UBR4: variants seen among roughly 807,000 people sequenced by gnomAD.
The protein encoded by UBR4 is E3 ubiquitin-protein ligase UBR4.
A neutral mutation model predicts 575.6 loss-of-function variants in UBR4; 124 were observed. The observed-to-expected ratio is 0.22, with a 90% CI of 0.19 to 0.25. The LOEUF (loss-of-function observed/expected upper bound fraction) is 0.25, where lower values mean the gene tolerates loss of function less well. Ranked by LOEUF, UBR4 falls within the 10% of genes least tolerant of loss-of-function variation. The pLI, the probability that UBR4 is intolerant of heterozygous loss-of-function variation, is 1.00. For synonymous variants in UBR4, 2,455 were observed against 2,473.7 expected (o/e 0.99, Z 0.22); for missense variants, 4,818 against 6,478.8 (o/e 0.74, Z 8.80).
In UBR4 at chr1:19,115,612, T is replaced by TC. The variant is rs750669713; in HGVS notation, c.10848dup (p.Lys3617GlufsTer14). 1 of 1,614,186 alleles carries TC rather than the reference T, an allele frequency of 6.2e-7. No homozygotes were observed. The highest frequency in any genetic ancestry group is 1.1e-5 in the South Asian group (1 of 91,086). ...GTCTGTCCAGGGGTCAGCTGAACCT[T>TC]CTTGGCTTTGTGCCAGCGAGCTGGC... On this transcript the variant is annotated frameshift_variant, in exon 74 of 106. Coordinates refer to ENST00000375254, the MANE Select transcript of UBR4 (RefSeq NM_020765.3). LOFTEE classifies it high-confidence loss of function.
intron 103 of UBR4, chr1:19,080,470 A>C (rs2076376711): frequency 6.6e-6 from 1 of 152,260 alleles, no homozygotes; most frequent in African/African-American, 2.4e-5. Flanking sequence ...TCACGGCCCT[A>C]AAAGTTTCTC....
chr1:19,201,686 T>A (rs1389412489), intron 2 of UBR4, 32 bp downstream of exon 2: 2 of 1,584,754 alleles, frequency 1.3e-6, no homozygotes, highest in South Asian at 2.2e-5. Context: ...TCACAAGCCC[T>A]CAGAAGGGAA....
rs928698894 is a variant in UBR4, at chr1:19,088,111, C to T, written c.14431-182G>A. Among the ~76,000 whole-genome samples the T allele has an allele frequency of 6.6e-6, 1 of 152,232 alleles. No homozygotes were observed. The highest frequency in any genetic ancestry group is 6.5e-5 in the Admixed American group (1 of 15,292). On this transcript the variant is annotated intron_variant, in intron 98 of 105. Transcript: ENST00000375254. The surrounding 1 kb of genome is among the most constrained non-coding windows in gnomAD (Gnocchi z 4.0). ...GACCCAGGCCCTTCTGCTATTCTCT[C>T]TTCCTACAGGAACCACTGAAGCAAA...
In UBR4 at chr1:19,172,907, G is replaced by A. The variant is rs768521513; in HGVS notation, c.3478C>T (p.Pro1160Ser). 6.2e-7 allele frequency: 1 copy of A among 1,614,194 alleles called. No homozygotes were observed. The highest frequency in any genetic ancestry group is 1.1e-5 in the South Asian group (1 of 91,084). The stretch of plus-strand genomic sequence containing the variant: ...GTGTCAATGAGTTGCAGCGTGGCTG[G>A]AAGTAGGTTCTTGGTAATCTCAGAC... ...KSSEITKNLL[P>S]ATLQLIDTYA... The change falls in exon 25 of 106, where the codon CCA becomes TCA. Residue 1160 changes from proline (P) to serine (S), a missense_variant. By Grantham distance (74) the Pro-to-Ser change is moderately conservative (BLOSUM62 -1). This residue lies in a region of UBR4 where 1,172 missense variants were observed against 1,259.7 expected (regional missense o/e 0.93). Transcript: ENST00000375254.
In UBR4 at chr1:19,156,415, A is replaced by G. The variant is rs1475970017; in HGVS notation, c.5928T>C (p.His1976=). ...YLAVCGLKDC[H]VLTFSSSGSV... ...AGCCTGAGCTACTAAAGGTGAGCACATGACAGTCCTGGACAATGTTTAAGA... is the reference window on the plus strand; with the variant it reads ...AGCCTGAGCTACTAAAGGTGAGCACGTGACAGTCCTGGACAATGTTTAAGA... The change falls in exon 42 of 106, where the codon CAT becomes CAC. Residue 1976 remains histidine, a synonymous_variant. Coordinates refer to ENST00000375254, the MANE Select transcript of UBR4 (RefSeq NM_020765.3). The G allele has an allele frequency of 1.9e-6, 3 of 1,614,082 alleles. No homozygotes were observed. Among genetic ancestry groups the G allele is most frequent in the Admixed American group, 1.7e-5 (1 of 59,994 alleles).
At position 19,100,712 on chromosome 1, in the gene UBR4, G is replaced by A. The variant is rs2078536784; in HGVS notation, c.13024-139C>T. ...CAAACATTTAAAGATACAAAGGACA[G>A]GAAACTCAGAGGTACTTCCAAAAAT... is the stretch of plus-strand genomic sequence containing the variant. On this transcript the variant is annotated intron_variant, in intron 88 of 105. Transcript: ENST00000375254. The surrounding 1 kb of genome is among the most constrained non-coding windows in gnomAD (Gnocchi z 4.2). 5.0e-6 allele frequency: 4 copies of A among 800,718 alleles called. No homozygotes were observed. Among genetic ancestry groups the A allele is most frequent in the Non-Finnish European group, 7.8e-6 (4 of 512,256 alleles). 49.6% of individuals were successfully genotyped at this position (800,718 alleles called of 1,614,324 possible). A position where few individuals can be genotyped will look rare whatever the true frequency, so the allele number is the denominator to read the frequency against.
intron 9 of UBR4, 91 bp from the exon 10 acceptor site, chr1:19,192,631 A>C (rs1473650220): frequency 2.2e-6 from 3 of 1,343,336 alleles, no homozygotes; most frequent in Non-Finnish European, 3.2e-6. Flanking sequence ...TAACTTGAAG[A>C]GTTCAATATC....
intron 19 of UBR4, 26 bp downstream of exon 19, chr1:19,177,435 G>A (rs377761032): frequency 1.2e-6 from 2 of 1,603,394 alleles, no homozygotes; most frequent in Non-Finnish European, 1.7e-6. Flanking sequence ...TAATGGTGAA[G>A]CAAAAAAGAA....
At chr1:19,192,741 C>T (rs2092187939) in intron 9 of UBR4, among the ~76,000 whole-genome samples, 2 of 152,088 alleles carry the variant, frequency 1.3e-5, no homozygotes, top group African/African-American at 4.8e-5. Flanking sequence ...CAGAAGCCAT[C>T]CCTCCTCCGA....
intron 86 of UBR4, 139 bp downstream of exon 86, chr1:19,104,446 C>T (rs1395148042): frequency 2.5e-6 from 3 of 1,180,598 alleles, no homozygotes; most frequent in South Asian, 1.5e-5. Context: ...CGTATCAATA[C>T]AGAAAAAAAA....
rs138289765 is a variant in UBR4 at position 19,138,244 on chromosome 1, T to G, written c.8732-63A>C. ...CAAAGCATGAAGGAACCCAGTGCATTCTAAAGCAGCAGCAATAGTTAAGAC... is the reference window on the plus strand; with the variant it reads ...CAAAGCATGAAGGAACCCAGTGCATGCTAAAGCAGCAGCAATAGTTAAGAC... On this transcript the variant is annotated intron_variant, in intron 59 of 105. Transcript: ENST00000375254. 1,473 of 1,412,062 alleles carry G rather than the reference T, an allele frequency of 1.0e-3. 5 individuals carry two copies. In the African/African-American group the frequency reaches 0.013, roughly 12 times the overall value. The allele number at this position is 1,412,062 out of a possible 1,614,324, so 87.5% of individuals were successfully genotyped here.
At chr1:19,140,694 G>T in intron 58 of UBR4, 94 bp downstream of exon 58, 3 of 1,292,818 alleles carry the variant, frequency 2.3e-6, no homozygotes, top group Non-Finnish European at 2.2e-6. Context: ...AGAATGGCCT[G>T]TCAAAGCAGC....
chr1:19,075,053 T>C (rs1037707655), intron 105 of UBR4, 157 bp from the exon 106 acceptor site: 39 of 734,456 alleles, frequency 5.3e-5, no homozygotes, highest in Non-Finnish European at 7.5e-5. Flanking sequence ...GAGGTAGTCA[T>C]TGAGCAAAAC....
chr1:19,176,119 T>C (rs746010881), intron 20 of UBR4, among the ~76,000 whole-genome samples: 10 of 143,992 alleles, frequency 6.9e-5, no homozygotes, highest in South Asian at 6.6e-4. Context: ...AATAGAGTCT[T>C]GTTCTGCTGC....
chr1:19,081,443 G>A lies in UBR4; in HGVS notation c.15139C>T (p.Pro5047Ser), dbSNP rs764096420. Residue 5047 changes from proline (P) to serine (S), a missense_variant, in exon 103 of 106, where the codon CCC becomes TCC. Physicochemically the swap from Pro to Ser is moderately conservative, Grantham distance 74. Transcript: ENST00000375254. ...YFTVLALHIL[P>S]PEQWRATRVE... ...CGTGTGGCTCTCCACTGCTCAGGGG[G>A]CAGGATGTGAAGGGCCAAGACTGTG... The A allele has an allele frequency of 1.9e-6, 3 of 1,613,950 alleles. No homozygotes were observed. Among genetic ancestry groups the A allele is most frequent in the Admixed American group, 1.7e-5 (1 of 59,982 alleles).
chr1:19,138,318 G>C (rs933970609), intron 59 of UBR4, 137 bp from the exon 60 acceptor site: 1 of 874,196 alleles, frequency 1.1e-6, no homozygotes, highest in Non-Finnish European at 1.6e-6. Flanking sequence ...TGTCTTATAT[G>C]TAAAGCTAAG....
chr1:19,084,685 G>A lies in UBR4; in HGVS notation c.14827C>T (p.Leu4943Phe). 1 of 1,610,324 alleles carries A rather than the reference G, an allele frequency of 6.2e-7. No individual in the cohort carries two copies. Among genetic ancestry groups the A allele is most frequent in the Non-Finnish European group, 8.5e-7 (1 of 1,177,296 alleles). Residue 4943 changes from leucine (L) to phenylalanine (F), a missense_variant, in exon 102 of 106, where the codon CTC (leucine) becomes TTC (phenylalanine). Coordinates refer to ENST00000375254, the MANE Select transcript of UBR4 (RefSeq NM_020765.3). ...ATCLARHNTYLQECTGQREPT... is the reference protein window; with the variant it reads ...ATCLARHNTYFQECTGQREPT... The stretch of plus-strand genomic sequence containing the variant: ...TCCCGCTGGCCTGTACATTCCTGGA[G>A]GTAAGTGTTGTGTCTAGAGGGAAGC...
chr1:19,106,015 G>T (rs1252185290), intron 83 of UBR4, among the ~76,000 whole-genome samples, 173 bp from the exon 84 acceptor site: 1 of 152,158 alleles, frequency 6.6e-6, no homozygotes, highest in Non-Finnish European at 1.5e-5. Flanking sequence ...TGTTTTAGAT[G>T]GGGAAAGGGG....
chr1:19,086,367 A>G (rs1030432868), intron 100 of UBR4, 97 bp from the exon 101 acceptor site: 1 of 1,362,186 alleles, frequency 7.3e-7, no homozygotes, highest in African/African-American at 1.5e-5. Flanking sequence ...GGGGCATGCC[A>G]ACACTAAGAA....
Sources: allele counts gnomAD v4.1 joint callset (sites outside exome capture counted in the v4.1 genomes callset), GRCh38; gene constraint gnomAD v4.1.1; regional missense constraint gnomAD v4.1.1; non-coding constraint Gnocchi (gnomAD v3.1); transcripts MANE v1.5; gene names NCBI Gene and HGNC (gene_info 2026-07-23, HGNC 2026-07-21).